Variants in DOCK1 observed in about 807,000 individuals in gnomAD.
The protein encoded by DOCK1 is dedicator of cytokinesis protein 1.
In DOCK1, 138 loss-of-function variants were observed where a neutral mutation model predicts 262.7. That is an observed-to-expected ratio of 0.53 (90% confidence interval 0.46 to 0.61). DOCK1 has a LOEUF of 0.61. Ranked by LOEUF, DOCK1 falls within the 20% of genes least tolerant of loss-of-function variation. DOCK1 has a pLI of 0.00. For missense variants in DOCK1, 1,908 were observed against 2,370.7 expected (o/e 0.80, Z 4.05); for synonymous variants, 866 against 867.4 (o/e 1.00, Z 0.03).
chr10:127,335,545 T>G (rs1343645202), intron 29 of DOCK1, among the ~76,000 whole-genome samples: 1 of 144,432 alleles, frequency 6.9e-6, no homozygotes, highest in East Asian at 2.1e-4. Context: ...TTACAGTAAC[T>G]AATAGATTTT....
chr10:126,931,445 G>A (rs1345681888), intron 1 of DOCK1, among the ~76,000 whole-genome samples: 13 of 152,052 alleles, frequency 8.5e-5, no homozygotes, highest in East Asian at 1.9e-4. Flanking sequence ...TGGTGGCACC[G>A]GGGGAAGCGA....
chr10:127,025,160 A>G (rs1036424795), intron 15 of DOCK1: 1 of 158,986 alleles, frequency 6.3e-6, no homozygotes, highest in Non-Finnish European at 1.4e-5. Flanking sequence ...TAGCTCTGAT[A>G]TGGTGCCTTT....
chr10:127,044,539 G>T (rs1381060080), intron 21 of DOCK1, among the ~76,000 whole-genome samples: 1 of 152,196 alleles, frequency 6.6e-6, no homozygotes, highest in Non-Finnish European at 1.5e-5. Context: ...CCTGGCTCTT[G>T]TGACCAAAAC....
intron 1 of DOCK1, among the ~76,000 whole-genome samples, chr10:126,923,895 T>C (rs1315619463): frequency 6.6e-6 from 1 of 152,166 alleles, no homozygotes; most frequent in Non-Finnish European, 1.5e-5. Flanking sequence ...AGAAGGTGCC[T>C]TCTATGAGCC....
At chr10:127,035,925 C>T (rs1012943480) in intron 18 of DOCK1, among the ~76,000 whole-genome samples, 1 of 151,718 alleles carries the variant, frequency 6.6e-6, no homozygotes, top group Non-Finnish European at 1.5e-5. Flanking sequence ...TTGCTTGAGC[C>T]TGGGAGTTAG....
chr10:127,055,450 T>G (rs2045074637), intron 22 of DOCK1, among the ~76,000 whole-genome samples: 1 of 152,226 alleles, frequency 6.6e-6, no homozygotes, highest in African/African-American at 2.4e-5. Context: ...TGCTTTCATC[T>G]TATTGGCCAG....
chr10:126,938,852 AGAGGGGATGAGCACTG>A (rs1420446863), intron 1 of DOCK1, among the ~76,000 whole-genome samples: 1 of 41,958 alleles, frequency 2.4e-5, no homozygotes, highest in Non-Finnish European at 4.6e-5. Context: ...GATGAACACC[AGAGGGGATGAGCACTG>A]GAGGGGATGA....
chr10:126,932,969 T>C (rs1164753159), intron 1 of DOCK1, among the ~76,000 whole-genome samples: 1 of 151,984 alleles, frequency 6.6e-6, no homozygotes, highest in East Asian at 1.9e-4. Flanking sequence ...CCTTTTTCCA[T>C]AGGTTGGCCT....
At chr10:127,166,256 A>G (rs1183519018) in intron 27 of DOCK1, among the ~76,000 whole-genome samples, 2 of 152,034 alleles carry the variant, frequency 1.3e-5, no homozygotes, top group African/African-American at 2.4e-5. Flanking sequence ...TAGTAGAGAC[A>G]GGGTTTCACC....
At chr10:127,293,493 C>G (rs2061411048) in intron 29 of DOCK1, among the ~76,000 whole-genome samples, 1 of 152,176 alleles carries the variant, frequency 6.6e-6, no homozygotes, top group Non-Finnish European at 1.5e-5. Flanking sequence ...AGAGCCCAGA[C>G]TGGTTTCCTG....
chr10:127,030,108 A>C (rs1054615930), intron 16 of DOCK1, among the ~76,000 whole-genome samples: 1 of 152,122 alleles, frequency 6.6e-6, no homozygotes, highest in Non-Finnish European at 1.5e-5. Flanking sequence ...GTGATAAGCC[A>C]TGTTGTCTTG....
chr10:127,094,738 T>C (rs923270561), intron 23 of DOCK1, among the ~76,000 whole-genome samples: 1 of 152,244 alleles, frequency 6.6e-6, no homozygotes, highest in Non-Finnish European at 1.5e-5. Flanking sequence ...AAAACACAAG[T>C]GTGATGTGCT....
chr10:127,395,885 G>A (rs1488284648), intron 38 of DOCK1, among the ~76,000 whole-genome samples: 1 of 152,236 alleles, frequency 6.6e-6, no homozygotes, highest in Non-Finnish European at 1.5e-5. Flanking sequence ...TTCTTGCCGG[G>A]AGGAAGATGT....
At chr10:127,406,139 A>C (rs961272583) in intron 40 of DOCK1, among the ~76,000 whole-genome samples, 1 of 152,126 alleles carries the variant, frequency 6.6e-6, no homozygotes, top group Admixed American at 6.5e-5. Context: ...GCTTGGTGTT[A>C]GATGGTGCGT....
intron 1 of DOCK1, among the ~76,000 whole-genome samples, chr10:126,963,743 T>C (rs1248843874): frequency 6.7e-6 from 1 of 149,660 alleles, no homozygotes; most frequent in East Asian, 2.0e-4. Context: ...TTGCGAAAAA[T>C]AAGATGCAGA....
chr10:127,235,403 C>A (rs925910080), intron 27 of DOCK1, among the ~76,000 whole-genome samples: 97 of 152,224 alleles, frequency 6.4e-4, no homozygotes, highest in African/African-American at 2.2e-3. Context: ...CCTTCTGTAT[C>A]TGGCTTATTT....
Position 127,409,138 on chromosome 10 carries a change from A to G in DOCK1, c.4224A>G (p.Thr1408=). Residue 1408 remains threonine, a synonymous_variant, in exon 41 of 52, where the codon ACA becomes ACG. Coordinates refer to ENST00000623213, the MANE Select transcript of DOCK1 (RefSeq NM_001290223.2). ...QFPNAEKMKT[T]SPPGDDIKNS... is the part of the protein sequence containing the mutation. ...CAAACGCCGAGAAAATGAAGACAAC[A>G]TCTCCACCAGGCGACGATATTAAAA... 2 of 1,612,752 alleles carry G rather than the reference A, an allele frequency of 1.2e-6. No homozygotes were observed. Among genetic ancestry groups the G allele is most frequent in the Non-Finnish European group, 1.7e-6 (2 of 1,179,382 alleles).
At position 127,292,762 on chromosome 10, in the gene DOCK1, G is replaced by A. The variant is rs551939978; in HGVS notation, c.3044+35333G>A. 3.4e-3 allele frequency among the ~76,000 whole-genome samples: 513 copies of A among 152,176 alleles called. 2 individuals are homozygous for A. Among genetic ancestry groups the A allele is most frequent in the Non-Finnish European group, 5.1e-3 (346 of 68,020 alleles). On this transcript the variant is annotated intron_variant, in intron 29 of 51. Transcript: ENST00000623213. Reference sequence around the variant, plus strand: ...TTTAAGAAGAAATAAAGTCGTTCCCGCAGCTCCACCTGCAGTGATGGGCTT... The same window carrying A: ...TTTAAGAAGAAATAAAGTCGTTCCCACAGCTCCACCTGCAGTGATGGGCTT...
Position 127,016,760 on chromosome 10 carries a change from T to G in DOCK1, c.1202-1950T>G, listed in dbSNP as rs72834604. ...ACACACACACACACTAACACAGATA[T>G]AAACACCACAAACACAGACACACGC... On this transcript the variant is annotated intron_variant, in intron 12 of 51. Transcript: ENST00000623213. Among the ~76,000 whole-genome samples the G allele has an allele frequency of 1.2e-4, 15 of 129,314 alleles. No individual in the cohort carries two copies. In the East Asian group the frequency reaches 3.5e-3, roughly 30 times the overall value. 84.8% of individuals were successfully genotyped at this position (129,314 alleles called of 152,430 possible). A position where few individuals can be genotyped will look rare whatever the true frequency, so the allele number is the denominator to read the frequency against.
Sources: gnomAD v4.1 joint callset for allele counts (sites outside exome capture counted in the v4.1 genomes callset) on GRCh38, gnomAD v4.1.1 for gene constraint, MANE v1.5 for transcripts, NCBI Gene and HGNC (gene_info 2026-07-23, HGNC 2026-07-21) for gene names.